The following FAM3B variants were observed in gnomAD, a reference collection of about 807,000 sequenced individuals.
The protein encoded by FAM3B is FAM3 metabolism regulating signaling molecule B.
A neutral mutation model predicts 28.4 loss-of-function variants in FAM3B; 29 were observed. The observed-to-expected ratio is 1.02, with a 90% CI of 0.76 to 1.39. The LOEUF (loss-of-function observed/expected upper bound fraction) is 1.39, where lower values mean the gene tolerates loss of function less well. FAM3B is among the 40% of genes most tolerant of loss of function. The probability of loss-of-function intolerance (pLI) is 0.00; values close to 1 mark genes in which losing one functional copy is unlikely to be tolerated. For missense variants in FAM3B, 266 were observed against 293.9 expected (o/e 0.91, Z 0.69); for synonymous variants, 91 against 103.0 (o/e 0.88, Z 0.71).
rs2088853582 is a variant in FAM3B at position 41,326,199 on chromosome 21, T to C, written c.163+3133T>C. ...AGCACTGAAGACCTAGATGTGGTTC[T>C]CCAGGCAGGGTTTGGAAAGAGCTGT... On this transcript the variant is annotated intron_variant, in intron 2 of 7. Coordinates refer to ENST00000357985, the MANE Select transcript of FAM3B (RefSeq NM_058186.4). The surrounding 1 kb of genome is among the most constrained non-coding windows in gnomAD (Gnocchi z 4.0). Among the ~76,000 whole-genome samples the C allele has an allele frequency of 6.6e-6, 1 of 152,224 alleles. No individual in the cohort carries two copies. The highest frequency in any genetic ancestry group is 6.5e-5 in the Admixed American group (1 of 15,284).
intron 3 of FAM3B, 58 bp from the exon 4 acceptor site, chr21:41,344,418 C>A: frequency 6.6e-7 from 1 of 1,520,846 alleles, no homozygotes; most frequent in Non-Finnish European, 9.1e-7. Context: ...GAAGACTTCG[C>A]GGAGCGGGGA....
chr21:41,304,610 G>A (rs1418100821), intron 1 of FAM3B, among the ~76,000 whole-genome samples: 2 of 152,214 alleles, frequency 1.3e-5, no homozygotes, highest in Non-Finnish European at 2.9e-5. Context: ...TCTGGCCCAA[G>A]GCCTCCTGGC....
chr21:41,343,091 C>A (rs1404688633), intron 3 of FAM3B, among the ~76,000 whole-genome samples: 1 of 152,210 alleles, frequency 6.6e-6, no homozygotes, highest in African/African-American at 2.4e-5. Flanking sequence ...TTTGCTCTCA[C>A]TTTCAGGATT....
At chr21:41,309,746 A>C (rs1050047635) in intron 1 of FAM3B, among the ~76,000 whole-genome samples, 1 of 152,194 alleles carries the variant, frequency 6.6e-6, no homozygotes, top group African/African-American at 2.4e-5. Flanking sequence ...AAAAGCTTAG[A>C]CGCATTGATC....
At chr21:41,334,255 A>G (rs1271950548) in intron 2 of FAM3B, among the ~76,000 whole-genome samples, 1 of 152,244 alleles carries the variant, frequency 6.6e-6, no homozygotes, top group African/African-American at 2.4e-5. Flanking sequence ...AGAAATTTGC[A>G]TAAGTAAAAA....
rs760302786 is a variant in FAM3B at position 41,345,783 on chromosome 21, A to C, written c.397+47A>C. 13 of 1,184,356 alleles carry C rather than the reference A, an allele frequency of 1.1e-5. No individual in the cohort carries two copies. The South Asian group carries it at 1.7e-4, about 15-fold the overall frequency. The allele number at this position is 1,184,356 out of a possible 1,614,324, so 73.4% of individuals were successfully genotyped here. A position where few individuals can be genotyped will look rare whatever the true frequency, so the allele number is the denominator to read the frequency against. ...AAATTCAAATGAATTTTAAACAGAA[A>C]ATTAAGATTAAAAAGCACAAAGAAA... is the stretch of plus-strand genomic sequence containing the variant. On this transcript the variant is annotated intron_variant, in intron 5 of 7. Transcript: ENST00000357985.
chr21:41,338,471 A>C lies in FAM3B; in HGVS notation c.257A>C (p.Lys86Thr). 6.2e-7 allele frequency: 1 copy of C among 1,614,202 alleles called. No homozygotes were observed. The highest frequency in any genetic ancestry group is 1.3e-5 in the African/African-American group (1 of 75,066). ...YRLLSGGGRS[K>T]YAKICFEDNL... is the part of the protein sequence containing the mutation. ...TTACTCAGCGGAGGTGGCAGAAGCA[A>C]GTACGCCAAAATCTGCTTTGAGGAT... is the stretch of plus-strand genomic sequence containing the variant. The change falls in exon 3 of 8, where the codon AAG (lysine) becomes ACG (threonine). Residue 86 changes from lysine (K) to threonine (T), a missense_variant. Transcript: ENST00000357985.
At chr21:41,309,035 G>T (rs751750986) in intron 1 of FAM3B, among the ~76,000 whole-genome samples, 5 of 152,204 alleles carry the variant, frequency 3.3e-5, no homozygotes, top group Non-Finnish European at 5.9e-5. Context: ...TCTGATGCAG[G>T]GTCTCAACTT....
At chr21:41,318,129 G>A (rs1044197650) in intron 1 of FAM3B, among the ~76,000 whole-genome samples, 4 of 152,114 alleles carry the variant, frequency 2.6e-5, no homozygotes, top group African/African-American at 9.7e-5. Context: ...ATTCACTCAT[G>A]AGCTGTGGGG....
chr21:41,333,066 A>ACCATAAACTC (rs2145811544), intron 2 of FAM3B, among the ~76,000 whole-genome samples: 1 of 146,670 alleles, frequency 6.8e-6, no homozygotes, highest in Non-Finnish European at 1.5e-5. Context: ...CGCATTTATT[A>ACCATAAACTC]CCATAAACTC....
intron 2 of FAM3B, among the ~76,000 whole-genome samples, chr21:41,327,435 A>G (rs1463544307): frequency 6.6e-6 from 1 of 152,250 alleles, no homozygotes; most frequent in Non-Finnish European, 1.5e-5. Flanking sequence ...AAAGGTTAGT[A>G]GAGGTTGGAG....
chr21:41,308,138 G>A (rs539200375), intron 1 of FAM3B, among the ~76,000 whole-genome samples: 26 of 152,266 alleles, frequency 1.7e-4, no homozygotes, highest in African/African-American at 6.0e-4. Flanking sequence ...TTTTTCTCTT[G>A]ATGTCTTATG....
intron 2 of FAM3B, among the ~76,000 whole-genome samples, chr21:41,330,355 G>T (rs189538577): frequency 1.3e-5 from 2 of 152,262 alleles, no homozygotes; most frequent in Non-Finnish European, 2.9e-5. Context: ...AACACTGCTG[G>T]TCCCAAGCAT....
At chr21:41,321,442 T>A (rs2088804985) in intron 1 of FAM3B, among the ~76,000 whole-genome samples, 1 of 152,192 alleles carries the variant, frequency 6.6e-6, no homozygotes, top group African/African-American at 2.4e-5. Flanking sequence ...GAGAGGGGCC[T>A]GCAAGCCTGC....
At chr21:41,311,251 A>AAATATATAT (rs1555866518) in intron 1 of FAM3B, among the ~76,000 whole-genome samples, 5 of 35,068 alleles carry the variant, frequency 1.4e-4, no homozygotes, top group Non-Finnish European at 2.4e-4. Flanking sequence ...AAAAAAAAAA[A>AAATATATAT]ATATATATAT....
chr21:41,318,925 C>G (rs1023974580), intron 1 of FAM3B, among the ~76,000 whole-genome samples: 2 of 152,216 alleles, frequency 1.3e-5, no homozygotes, highest in African/African-American at 4.8e-5. Context: ...CAGGGTCTTG[C>G]TCTGTAGCCC....
In FAM3B at chr21:41,354,293, C is replaced by G. The variant is rs1601377994; in HGVS notation, c.619-2815C>G. 1.3e-5 allele frequency among the ~76,000 whole-genome samples: 2 copies of G among 152,266 alleles called. 1 individual carries two copies. The highest frequency in any genetic ancestry group is 4.1e-4 in the South Asian group (2 of 4,820). On this transcript the variant is annotated intron_variant, in intron 7 of 7. Coordinates refer to ENST00000357985, the MANE Select transcript of FAM3B (RefSeq NM_058186.4). ...AGCAATCCCATTACTGGGAATATTC[C>G]TAACAAATTATATTTGTTATAAGTA...
At chr21:41,355,152 T>C (rs2089154491) in intron 7 of FAM3B, among the ~76,000 whole-genome samples, 1 of 152,238 alleles carries the variant, frequency 6.6e-6, no homozygotes, top group Non-Finnish European at 1.5e-5. Context: ...TTGGCTATGA[T>C]TTTTAAAAAG....
chr21:41,352,952 T>C (rs987453887), intron 7 of FAM3B, among the ~76,000 whole-genome samples: 4 of 152,176 alleles, frequency 2.6e-5, no homozygotes, highest in Admixed American at 1.3e-4. Flanking sequence ...TTTGAACTTA[T>C]ACCAAGTTTA....
Sources: allele counts gnomAD v4.1 joint callset (sites outside exome capture counted in the v4.1 genomes callset), GRCh38; gene constraint gnomAD v4.1.1; non-coding constraint Gnocchi (gnomAD v3.1); transcripts MANE v1.5; gene names NCBI Gene and HGNC (gene_info 2026-07-23, HGNC 2026-07-21).